Variants in ERBB4 observed in about 807,000 individuals in gnomAD.
ERBB4 encodes the protein erb-b2 receptor tyrosine kinase 4, also known as receptor tyrosine-protein kinase erbB-4.
In ERBB4, 42 loss-of-function variants were observed where a neutral mutation model predicts 158.0. The observed-to-expected ratio is 0.27, with a 90% CI of 0.21 to 0.34. The LOEUF is 0.34. ERBB4 is among the 10% of genes least tolerant of loss of function. The pLI is 1.00. For missense variants in ERBB4, 1,333 were observed against 1,624.1 expected (o/e 0.82, Z 3.08); for synonymous variants, 583 against 558.7 (o/e 1.04, Z -0.61).
chr2:211,648,348 T>A (rs533248376), intron 16 of ERBB4, among the ~76,000 whole-genome samples: 9 of 151,822 alleles, frequency 5.9e-5, no homozygotes, highest in African/African-American at 2.2e-4. Flanking sequence ...TAATAAATAA[T>A]CATGCATGTA....
chr2:211,816,368 C>T (rs1175639454), intron 3 of ERBB4, among the ~76,000 whole-genome samples: 2 of 151,170 alleles, frequency 1.3e-5, no homozygotes, highest in African/African-American at 4.9e-5. Context: ...TGATGAAACC[C>T]CGTCTCTACT....
At chr2:211,427,785 A>AAATT (rs1236894794) in intron 22 of ERBB4, among the ~76,000 whole-genome samples, 1 of 151,826 alleles carries the variant, frequency 6.6e-6, no homozygotes. Context: ...AAGTTGCTTA[A>AAATT]AATTAACACC....
At chr2:211,663,042 C>A (rs1246810416) in intron 15 of ERBB4, among the ~76,000 whole-genome samples, 1 of 152,118 alleles carries the variant, frequency 6.6e-6, no homozygotes, top group Non-Finnish European at 1.5e-5. Flanking sequence ...GTGGTTTTCC[C>A]AGGAAAATAT....
intron 23 of ERBB4, among the ~76,000 whole-genome samples, chr2:211,423,858 CATGTTAGTA>C (rs1210487899): frequency 6.6e-6 from 1 of 151,770 alleles, no homozygotes; most frequent in Non-Finnish European, 1.5e-5. Context: ...TACTAACATT[CATGTTAGTA>C]ATGTTAGTAA....
intron 1 of ERBB4, among the ~76,000 whole-genome samples, chr2:212,527,545 AC>A (rs1192835720): frequency 6.6e-6 from 1 of 152,104 alleles, no homozygotes; most frequent in Non-Finnish European, 1.5e-5. Flanking sequence ...AGGCAGACTT[AC>A]CACAAAGTTT....
At chr2:211,721,174 C>T (rs2074077580) in intron 7 of ERBB4, among the ~76,000 whole-genome samples, 1 of 152,166 alleles carries the variant, frequency 6.6e-6, no homozygotes, top group Non-Finnish European at 1.5e-5. Flanking sequence ...TGACTGTGAC[C>T]TATCACACGA....
intron 2 of ERBB4, among the ~76,000 whole-genome samples, chr2:212,051,255 C>A (rs1315436936): frequency 6.6e-6 from 1 of 151,908 alleles, no homozygotes; most frequent in Non-Finnish European, 1.5e-5. Flanking sequence ...CATTTAGTTT[C>A]TTTAAGTATT....
At chr2:211,477,031 T>C (rs905202259) in intron 20 of ERBB4, among the ~76,000 whole-genome samples, 2 of 152,130 alleles carry the variant, frequency 1.3e-5, no homozygotes, top group African/African-American at 4.8e-5. Context: ...TGGATGTTTT[T>C]CTAAAGGTGT....
Position 211,947,695 on chromosome 2 carries a change from G to A in ERBB4, c.235-79C>T. 16 of 1,185,730 alleles carry A rather than the reference G, an allele frequency of 1.3e-5. 1 individual carries two copies. Among genetic ancestry groups the A allele is most frequent in the Non-Finnish European group, 3.7e-6 (3 of 815,142 alleles). The allele number at this position is 1,185,730 out of a possible 1,614,324, so 73.5% of individuals were successfully genotyped here. A position where few individuals can be genotyped will look rare whatever the true frequency, so the allele number is the denominator to read the frequency against. On this transcript the variant is annotated intron_variant, in intron 2 of 27. Coordinates refer to ENST00000342788, the MANE Select transcript of ERBB4 (RefSeq NM_005235.3). The stretch of plus-strand genomic sequence containing the variant: ...TATGTAGCAATTTAGATTAAAATGA[G>A]TTATTAAACTCTAATTTTCAGTTTT...
chr2:212,513,676 T>C (rs377443644), intron 1 of ERBB4, among the ~76,000 whole-genome samples: 344 of 152,240 alleles, frequency 2.3e-3, no homozygotes, highest in African/African-American at 7.4e-3. Context: ...CCGGGCGTAG[T>C]GGCCAGCGCC....
intron 2 of ERBB4, among the ~76,000 whole-genome samples, chr2:212,004,894 T>G (rs1410743021): frequency 9.9e-5 from 15 of 152,134 alleles, no homozygotes; most frequent in Admixed American, 9.8e-4. Flanking sequence ...AATTACATGA[T>G]TAATTATTTC....
At chr2:211,735,305 T>G (rs2074569189) in intron 5 of ERBB4, among the ~76,000 whole-genome samples, 1 of 152,152 alleles carries the variant, frequency 6.6e-6, no homozygotes, top group Non-Finnish European at 1.5e-5. Context: ...GAAGTTAACA[T>G]TTAAAAACTA....
At chr2:212,399,710 C>A (rs865810703) in intron 1 of ERBB4, among the ~76,000 whole-genome samples, 42 of 106,480 alleles carry the variant, frequency 3.9e-4, no homozygotes, top group Non-Finnish European at 5.4e-4. Context: ...ACTAAAAATA[C>A]AAAAAAAAAA....
intron 1 of ERBB4, among the ~76,000 whole-genome samples, chr2:212,225,956 T>G (rs10048819): frequency 0.38 from 58,199 of 151,978 alleles, 12,979 homozygotes; most frequent in East Asian, 0.76. Context: ...GTTTGGAAGA[T>G]ATTTTGCAGA....
chr2:212,238,946 G>A (rs1048398309), intron 1 of ERBB4, among the ~76,000 whole-genome samples: 3 of 152,140 alleles, frequency 2.0e-5, no homozygotes. Context: ...AAGAATAATT[G>A]AAAGAAAACT....
In ERBB4 at chr2:211,657,509, CA is replaced by C. The variant is rs777875937; in HGVS notation, c.1946+244del. 69,533 of 322,872 alleles carry C rather than the reference CA, an allele frequency of 0.22. 841 individuals carry two copies. Among genetic ancestry groups the C allele is most frequent in the African/African-American group, 0.28 (10,616 of 37,338 alleles). The allele number at this position is 322,872 out of a possible 1,614,324, so 20.0% of individuals were successfully genotyped here. A position where few individuals can be genotyped will look rare whatever the true frequency, so the allele number is the denominator to read the frequency against. ...GGGCAACAGAGTGAGACTCGGTCTC[CA>C]AAAAAAAAAAAAAGAAATCGATGGT... On this transcript the variant is annotated intron_variant, in intron 16 of 27. Coordinates refer to ENST00000342788, the MANE Select transcript of ERBB4 (RefSeq NM_005235.3).
chr2:212,104,155 C>G (rs976805839), intron 2 of ERBB4, among the ~76,000 whole-genome samples: 2 of 152,024 alleles, frequency 1.3e-5, no homozygotes, highest in Non-Finnish European at 2.9e-5. Context: ...GTTCACACTT[C>G]TATATGATTA....
intron 1 of ERBB4, among the ~76,000 whole-genome samples, chr2:212,191,753 G>A (rs1209254226): frequency 1.4e-5 from 2 of 138,328 alleles, no homozygotes; most frequent in East Asian, 4.2e-4. Context: ...CATATAACAC[G>A]TGTTATACAT....
chr2:212,230,106 G>A (rs950236038), intron 1 of ERBB4, among the ~76,000 whole-genome samples: 1 of 152,120 alleles, frequency 6.6e-6, no homozygotes, highest in African/African-American at 2.4e-5. Context: ...CCAACACGGT[G>A]AAACCCTATC....
Sources: gnomAD v4.1 joint callset for allele counts (sites outside exome capture counted in the v4.1 genomes callset) on GRCh38, gnomAD v4.1.1 for gene constraint, MANE v1.5 for transcripts, NCBI Gene and HGNC (gene_info 2026-07-23, HGNC 2026-07-21) for gene names.